MUC20: variants seen among roughly 807,000 people sequenced by gnomAD.
The protein encoded by MUC20 is mucin-20.
MUC20 carries 14 observed loss-of-function variants against 23.8 expected under a neutral mutation model. The ratio of observed to expected loss-of-function variants is 0.59; its 90% confidence interval spans 0.39 to 0.92. The LOEUF (loss-of-function observed/expected upper bound fraction) is 0.92, where lower values mean the gene tolerates loss of function less well. Among genes scored for constraint, MUC20 ranks in the 40% least tolerant of loss-of-function variants. MUC20 has a pLI of 0.00. For missense variants in MUC20, 375 were observed against 668.8 expected, an observed-to-expected ratio of 0.56 and a Z score of 4.85; for synonymous variants, 166 against 279.3, an observed-to-expected ratio of 0.59 and a Z score of 4.04.
chr3:195,723,536 A>ATTT, intron 1 of MUC20, among the ~76,000 whole-genome samples: 1 of 101,664 alleles, frequency 9.8e-6, no homozygotes, highest in African/African-American at 4.6e-5. Flanking sequence ...TCAGGTAACA[A>ATTT]TTTTTTTTAA....
chr3:195,733,536 C>T lies in MUC20; in HGVS notation c.*318C>T. The T allele has an allele frequency of 7.6e-7, 1 of 1,322,320 alleles. No homozygotes were observed. Among genetic ancestry groups the T allele is most frequent in the Non-Finnish European group, 9.6e-7 (1 of 1,038,546 alleles). The allele number at this position is 1,322,320 out of a possible 1,614,324, so 81.9% of individuals were successfully genotyped here. A position where few individuals can be genotyped will look rare whatever the true frequency, so the allele number is the denominator to read the frequency against. On this transcript the variant is annotated 3_prime_UTR_variant, in exon 4 of 4. Coordinates refer to ENST00000447234, the MANE Select transcript of MUC20 (RefSeq NM_001282506.2). ...TGTGCTTCCATCCTGCATTAAAATTCACTCAGTGTGGCCCAGAGGCTGTCT... is the reference window on the plus strand; with the variant it reads ...TGTGCTTCCATCCTGCATTAAAATTTACTCAGTGTGGCCCAGAGGCTGTCT...
chr3:195,728,371 A>C (rs373516648), intron 2 of MUC20, among the ~76,000 whole-genome samples: 69 of 152,392 alleles, frequency 4.5e-4, no homozygotes, highest in South Asian at 4.4e-3. Flanking sequence ...ATGTGAGCAA[A>C]AGAATCTGTG....
intron 2 of MUC20, among the ~76,000 whole-genome samples, chr3:195,729,009 G>A (rs2148705061): frequency 6.6e-6 from 1 of 152,390 alleles, no homozygotes; most frequent in African/African-American, 2.4e-5. Flanking sequence ...CTTGTTTAAA[G>A]TACAGGTCTT....
At chr3:195,732,403 A>C (rs796103201) in intron 3 of MUC20, among the ~76,000 whole-genome samples, 46 of 151,846 alleles carry the variant, frequency 3.0e-4, no homozygotes, top group African/African-American at 1.0e-3. Context: ...TCTGTCGTCC[A>C]GGCTGGAGTG....
At chr3:195,729,868 A>G (rs1160783203) in intron 3 of MUC20, 129 bp downstream of exon 3, 2 of 908,222 alleles carry the variant, frequency 2.2e-6, no homozygotes, top group South Asian at 1.6e-5. Context: ...CTTACGGAGA[A>G]TTGGGAGCTG....
At chr3:195,728,651 T>G (rs1318536801) in intron 2 of MUC20, among the ~76,000 whole-genome samples, 45 of 152,012 alleles carry the variant, frequency 3.0e-4, no homozygotes, top group South Asian at 1.0e-3. Context: ...GATCCTCTTT[T>G]ACTAATCCAC....
chr3:195,729,756 C>T lies in MUC20; in HGVS notation c.2061+17C>T, dbSNP rs372096613. 4.2e-5 allele frequency: 67 copies of T among 1,580,792 alleles called. No individual in the cohort carries two copies. In the East Asian group the frequency reaches 8.5e-4, roughly 20 times the overall value. ...ATGCAGCAGGTGAGTGGGCACTTTC[C>T]GGGCCAGGGGAGTAGAGGAAGGGGC... On this transcript the variant is annotated intron_variant, in intron 3 of 3. Transcript: ENST00000447234.
intron 3 of MUC20, among the ~76,000 whole-genome samples, chr3:195,731,073 C>T (rs1444753466): frequency 1.3e-5 from 2 of 152,216 alleles, no homozygotes; most frequent in East Asian, 1.9e-4. Context: ...CAGATGTAAC[C>T]GTGAAAACAG....
In MUC20 at chr3:195,733,140, T is replaced by G. The variant is rs908597506; in HGVS notation, c.2062-10T>G. 6 of 1,581,190 alleles carry G rather than the reference T, an allele frequency of 3.8e-6. No individual in the cohort carries two copies. The highest frequency in any genetic ancestry group is 5.2e-6 in the Non-Finnish European group (6 of 1,164,604). On this transcript the variant is annotated splice_polypyrimidine_tract_variant and intron_variant, in intron 3 of 3. Transcript: ENST00000447234. ...GGGCTGAAAGGACAGCTGGCTCTTT[T>G]GCTCTCCAGCTCCACCGGGAACTCC...
chr3:195,726,160 T>C lies in MUC20; in HGVS notation c.1557T>C (p.Ser519=). ...EVTAPGATTL[S]GALVTVSRNP... ...CAGCACCCGGGGCCACGACCCTCAG[T>C]GGAGCTCTGGTCACAGTTAGCAGGA... The change falls in exon 2 of 4, where the codon AGT becomes AGC. Residue 519 remains serine, a synonymous_variant. Transcript: ENST00000447234. The C allele has an allele frequency of 6.2e-7, 1 of 1,609,030 alleles. No individual in the cohort carries two copies. The highest frequency in any genetic ancestry group is 8.5e-7 in the Non-Finnish European group (1 of 1,176,150).
At chr3:195,730,027 A>T in intron 3 of MUC20, 1 of 362,566 alleles carries the variant, frequency 2.8e-6, no homozygotes, top group South Asian at 4.0e-5. Flanking sequence ...GGCAAAGGTC[A>T]GTGATACTGA....
chr3:195,729,887 G>A, intron 3 of MUC20, 148 bp downstream of exon 3: 1 of 786,068 alleles, frequency 1.3e-6, no homozygotes, highest in Non-Finnish European at 2.0e-6. Flanking sequence ...TGAATCTGAG[G>A]ATCTCTGCCT....
chr3:195,726,680 G>A (rs1459957503), intron 2 of MUC20, 108 bp downstream of exon 2: 68 of 1,302,830 alleles, frequency 5.2e-5, no homozygotes, highest in Non-Finnish European at 6.8e-5. Context: ...CCTACTCAGA[G>A]CCTGCTCCTG....
chr3:195,722,266 T>A (rs1712205725), intron 1 of MUC20: 1 of 984,656 alleles, frequency 1.0e-6, no homozygotes, highest in Non-Finnish European at 1.2e-6. Context: ...CTTCTGGGCA[T>A]CCAGTAACAA....
intron 3 of MUC20, among the ~76,000 whole-genome samples, chr3:195,730,625 C>T (rs1480611489): frequency 6.6e-6 from 1 of 152,148 alleles, no homozygotes; most frequent in East Asian, 1.9e-4. Context: ...GCTGGGATTA[C>T]AGACATGAGC....
chr3:195,721,815 G>T, intron 1 of MUC20: 1 of 153,008 alleles, frequency 6.5e-6, no homozygotes, highest in Non-Finnish European at 1.5e-5. Flanking sequence ...ATCACCTGAG[G>T]TCAGGAGTTC....
chr3:195,723,551 A>G (rs1173063295), intron 1 of MUC20, among the ~76,000 whole-genome samples: 1 of 124,726 alleles, frequency 8.0e-6, no homozygotes, highest in East Asian at 2.0e-4. Flanking sequence ...TTTTAAGTGT[A>G]AGTATGTAGC....
At chr3:195,729,921 C>T in intron 3 of MUC20, 182 bp downstream of exon 3, 1 of 638,472 alleles carries the variant, frequency 1.6e-6, no homozygotes, top group Non-Finnish European at 2.7e-6. Flanking sequence ...CCTGCCTTCT[C>T]CGAGTTCTTC....
chr3:195,730,423 G>A (rs1006396119), intron 3 of MUC20, among the ~76,000 whole-genome samples: 5 of 152,226 alleles, frequency 3.3e-5, no homozygotes, highest in African/African-American at 1.2e-4. Context: ...TCAGCTCACT[G>A]CAAGCTCCGC....
Sources: allele counts gnomAD v4.1 joint callset (sites outside exome capture counted in the v4.1 genomes callset), GRCh38; gene constraint gnomAD v4.1.1; transcripts MANE v1.5; gene names NCBI Gene and HGNC (gene_info 2026-07-23, HGNC 2026-07-21).